Variants in DLG2 observed in about 807,000 individuals in gnomAD.
DLG2 encodes the protein disks large homolog 2.
A neutral mutation model predicts 132.5 loss-of-function variants in DLG2; 45 were observed. That is an observed-to-expected ratio of 0.34 (90% CI 0.27 to 0.44). The LOEUF (loss-of-function observed/expected upper bound fraction) is 0.44, where lower values mean the gene tolerates loss of function less well. Ranked by LOEUF, DLG2 falls within the 20% of genes least tolerant of loss-of-function variation. DLG2 has a pLI of 1.00. For synonymous variants in DLG2, 424 were observed against 419.6 expected, an observed-to-expected ratio of 1.01 and a Z score of -0.13; for missense variants, 1,045 against 1,196.9, an observed-to-expected ratio of 0.87 and a Z score of 1.87.
chr11:84,075,167 C>T lies in DLG2; in HGVS notation c.750-15683G>A, dbSNP rs998728955. ...CTTAAATATCACCTCCTCAGAAAGG[C>T]CTAACTTGATTATTTAATCTAAAGT... On this transcript the variant is annotated intron_variant, in intron 10 of 27. Transcript: ENST00000376104. Among the ~76,000 whole-genome samples, 8 of 152,272 alleles carry T rather than the reference C, an allele frequency of 5.3e-5. No homozygotes were observed. The East Asian group carries it at 1.2e-3, about 22-fold the overall frequency.
chr11:83,518,231 TC>T (rs1436641316), intron 21 of DLG2, among the ~76,000 whole-genome samples: 1 of 152,060 alleles, frequency 6.6e-6, no homozygotes, highest in African/African-American at 2.4e-5. Flanking sequence ...CGGGAGCCCC[TC>T]CCCCAGCCTT....
chr11:83,961,012 C>T (rs1391677271), intron 14 of DLG2, among the ~76,000 whole-genome samples: 1 of 151,962 alleles, frequency 6.6e-6, no homozygotes, highest in African/African-American at 2.4e-5. Flanking sequence ...GATATTGAGG[C>T]ATATCTCACG....
At chr11:84,459,049 T>G (rs778205425) in intron 7 of DLG2, among the ~76,000 whole-genome samples, 1 of 150,674 alleles carries the variant, frequency 6.6e-6, no homozygotes, top group Non-Finnish European at 1.5e-5. Context: ...GAGTTTGAAC[T>G]CCAGCAGTCC....
At position 84,247,750 on chromosome 11, in the gene DLG2, C is replaced by G. The variant is rs147941397; in HGVS notation, c.573+3488G>C. On this transcript the variant is annotated intron_variant, in intron 8 of 27. Coordinates refer to ENST00000376104, the MANE Select transcript of DLG2 (RefSeq NM_001142699.3). ...TTTGTTTGACACTTACATAAAAATTCCCTTTGGCCCTAGAAATTTCCTGTA... is the reference window on the plus strand; with the variant it reads ...TTTGTTTGACACTTACATAAAAATTGCCTTTGGCCCTAGAAATTTCCTGTA... Among the ~76,000 whole-genome samples, 67 of 152,220 alleles carry G rather than the reference C, an allele frequency of 4.4e-4. 1 individual carries two copies. Among genetic ancestry groups the G allele is most frequent in the African/African-American group, 1.4e-3 (59 of 41,528 alleles).
At chr11:84,682,744 G>A (rs774756846) in intron 6 of DLG2, among the ~76,000 whole-genome samples, 2 of 152,148 alleles carry the variant, frequency 1.3e-5, no homozygotes, top group African/African-American at 2.4e-5. Flanking sequence ...CTCACACAGA[G>A]GACTCTAGGA....
chr11:84,589,856 G>A (rs549137214), intron 6 of DLG2, among the ~76,000 whole-genome samples: 5 of 152,192 alleles, frequency 3.3e-5, no homozygotes, highest in East Asian at 1.9e-4. Flanking sequence ...CTACCAAGAC[G>A]GAATTTATTT....
At chr11:84,322,592 A>G (rs1405094196) in intron 7 of DLG2, among the ~76,000 whole-genome samples, 4 of 78,678 alleles carry the variant, frequency 5.1e-5, no homozygotes, top group African/African-American at 2.6e-4. Flanking sequence ...ATAATTTCAC[A>G]AGAATTTTTT....
At chr11:84,584,876 G>C (rs2099525793) in intron 6 of DLG2, among the ~76,000 whole-genome samples, 1 of 150,748 alleles carries the variant, frequency 6.6e-6, no homozygotes, top group Non-Finnish European at 1.5e-5. Context: ...TTTTAGTAGA[G>C]ACGGGGTTTC....
chr11:83,746,650 A>G (rs913943008), intron 18 of DLG2, among the ~76,000 whole-genome samples: 1 of 152,148 alleles, frequency 6.6e-6, no homozygotes, highest in Non-Finnish European at 1.5e-5. Flanking sequence ...TGGGTGCAGC[A>G]CACCAAAATG....
intron 6 of DLG2, among the ~76,000 whole-genome samples, chr11:84,635,745 T>C (rs923161037): frequency 3.3e-5 from 5 of 151,966 alleles, no homozygotes; most frequent in East Asian, 1.9e-4. Context: ...ATTTTACAGA[T>C]GAGGAAAGTA....
intron 9 of DLG2, among the ~76,000 whole-genome samples, chr11:84,117,957 G>A (rs1222845484): frequency 6.6e-6 from 1 of 152,094 alleles, no homozygotes; most frequent in African/African-American, 2.4e-5. Flanking sequence ...CCAGGTTCAA[G>A]CGATTCTCCT....
chr11:84,281,356 A>G (rs1396394336), intron 7 of DLG2, among the ~76,000 whole-genome samples: 1 of 152,192 alleles, frequency 6.6e-6, no homozygotes, highest in African/African-American at 2.4e-5. Flanking sequence ...TAGAGAAGCC[A>G]CAGAATGAAA....
chr11:85,281,488 C>A (rs996349255), intron 4 of DLG2, among the ~76,000 whole-genome samples: 1 of 151,914 alleles, frequency 6.6e-6, no homozygotes, highest in Non-Finnish European at 1.5e-5. Flanking sequence ...TTCAACAGAT[C>A]CAGGCAAAAG....
At chr11:85,332,266 T>G (rs1044085780) in intron 3 of DLG2, among the ~76,000 whole-genome samples, 1 of 152,228 alleles carries the variant, frequency 6.6e-6, no homozygotes, top group Non-Finnish European at 1.5e-5. Flanking sequence ...TATGTCTTCC[T>G]TTAAGAAGTA....
chr11:85,435,293 CAT>C (rs2091416075), intron 3 of DLG2, among the ~76,000 whole-genome samples: 1 of 152,130 alleles, frequency 6.6e-6, no homozygotes, highest in South Asian at 2.1e-4. Flanking sequence ...TCCTATTCAA[CAT>C]AGTGTTGGAA....
chr11:85,491,720 C>G (rs72953943), intron 3 of DLG2, among the ~76,000 whole-genome samples: 1,625 of 151,956 alleles, frequency 0.011, 10 homozygotes, highest in Non-Finnish European at 0.018. Context: ...ATACTGAAAA[C>G]TAAAACACTG....
chr11:85,295,120 T>C (rs78149163), intron 3 of DLG2, among the ~76,000 whole-genome samples: 1 of 152,248 alleles, frequency 6.6e-6, no homozygotes, highest in East Asian at 1.9e-4. Context: ...TCTTATTCTA[T>C]ATCTAGGAGA....
Position 84,387,387 on chromosome 11 carries a change from A to G in DLG2, c.520-136096T>C, listed in dbSNP as rs546194236. 2.6e-5 allele frequency among the ~76,000 whole-genome samples: 4 copies of G among 152,176 alleles called. No homozygotes were observed. In the East Asian group the frequency reaches 7.7e-4, roughly 29 times the overall value. ...AAAATTTTTAAGAAATTGGTTATAT[A>G]GAATTTATAATTATAATCATTATAA... On this transcript the variant is annotated intron_variant, in intron 7 of 27. Coordinates refer to ENST00000376104, the MANE Select transcript of DLG2 (RefSeq NM_001142699.3).
chr11:83,709,769 C>T (rs939845316), intron 18 of DLG2, among the ~76,000 whole-genome samples: 3 of 152,170 alleles, frequency 2.0e-5, no homozygotes, highest in Non-Finnish European at 4.4e-5. Context: ...AAGTGATCCC[C>T]CCCAAGTCAT....
Sources: allele counts gnomAD v4.1 joint callset (sites outside exome capture counted in the v4.1 genomes callset), GRCh38; gene constraint gnomAD v4.1.1; transcripts MANE v1.5; gene names NCBI Gene and HGNC (gene_info 2026-07-23, HGNC 2026-07-21).